The following ZNF217 variants were observed in gnomAD, a reference collection of about 807,000 sequenced individuals.
ZNF217 encodes zinc finger protein 217.
ZNF217 carries 12 observed loss-of-function variants against 73.3 expected under a neutral mutation model. That is an observed-to-expected ratio of 0.16 (90% CI 0.10 to 0.27). The LOEUF is 0.27. Among genes scored for constraint, ZNF217 ranks in the 10% least tolerant of loss-of-function variants. The probability of loss-of-function intolerance (pLI) is 1.00; values close to 1 mark genes in which losing one functional copy is unlikely to be tolerated. For missense variants in ZNF217, 1,195 were observed against 1,327.8 expected, an observed-to-expected ratio of 0.90 and a Z score of 1.55; for synonymous variants, 588 against 516.4, an observed-to-expected ratio of 1.14 and a Z score of -1.88.
At chr20:53,593,595 G>A (rs999316753) in intron 1 of ZNF217, among the ~76,000 whole-genome samples, 161 bp downstream of exon 1, 4 of 151,926 alleles carry the variant, frequency 2.6e-5, no homozygotes, top group Non-Finnish European at 4.4e-5. Flanking sequence ...CTGGGGAGGG[G>A]GCGCCCTAGA....
chr20:53,581,335 A>T lies in ZNF217; in HGVS notation c.1366+126T>A, dbSNP rs1968024275. On this transcript the variant is annotated intron_variant, in intron 2 of 5. Transcript: ENST00000371471. The surrounding 1 kb of genome is among the most constrained non-coding windows in gnomAD (Gnocchi z 4.9). Reference sequence around the variant, plus strand: ...CAGAGTGATACCAAAAAGAGCCTGGACTTGACTCTGGCTCTCCAAACCCCA... The same window carrying T: ...CAGAGTGATACCAAAAAGAGCCTGGTCTTGACTCTGGCTCTCCAAACCCCA... 1 of 1,334,892 alleles carries T rather than the reference A, an allele frequency of 7.5e-7. No individual in the cohort carries two copies. Among genetic ancestry groups the T allele is most frequent in the African/African-American group, 1.5e-5 (1 of 68,502 alleles). 82.7% of individuals were successfully genotyped at this position (1,334,892 alleles called of 1,614,324 possible). A position where few individuals can be genotyped will look rare whatever the true frequency, so the allele number is the denominator to read the frequency against.
At chr20:53,584,364 A>G (rs1302397499) in intron 1 of ZNF217, among the ~76,000 whole-genome samples, 2 of 152,226 alleles carry the variant, frequency 1.3e-5, no homozygotes, top group African/African-American at 4.8e-5. Context: ...AGGCTCAGAG[A>G]AGCCAAGGAA....
chr20:53,571,595 AG>A, intron 5 of ZNF217, 125 bp downstream of exon 5: 1 of 1,206,684 alleles, frequency 8.3e-7, no homozygotes, highest in Non-Finnish European at 1.1e-6. Flanking sequence ...TAGTACAGAC[AG>A]GGGTTTCACC....
intron 1 of ZNF217, among the ~76,000 whole-genome samples, chr20:53,588,941 T>C (rs1988792214): frequency 1.3e-5 from 2 of 152,200 alleles, no homozygotes; most frequent in Admixed American, 1.3e-4. Context: ...AGAAAAACTC[T>C]ATATTGATTA....
At chr20:53,572,528 A>C (rs186236262) in intron 4 of ZNF217, 3 of 152,308 alleles carry the variant, frequency 2.0e-5, no homozygotes, top group Admixed American at 2.0e-4. Context: ...TGGGGGGGGA[A>C]ATGAAGATTT....
chr20:53,591,370 T>C (rs896500464), intron 1 of ZNF217, among the ~76,000 whole-genome samples: 2 of 152,208 alleles, frequency 1.3e-5, no homozygotes, highest in African/African-American at 2.4e-5. Context: ...TGTAGGCAAA[T>C]AAAGACAATT....
chr20:53,581,168 T>G lies in ZNF217; in HGVS notation c.1366+293A>C, dbSNP rs1988465118. 6.6e-6 allele frequency among the ~76,000 whole-genome samples: 1 copy of G among 152,184 alleles called. No homozygotes were observed. Among genetic ancestry groups the G allele is most frequent in the East Asian group, 1.9e-4 (1 of 5,202 alleles). On this transcript the variant is annotated intron_variant, in intron 2 of 5. Transcript: ENST00000371471. This position sits in a 1 kb window ranked among gnomAD's most constrained non-coding sequence, Gnocchi z 4.9. ...TTTGGGCTGGATGCACAAGTTATTT[T>G]TTTTTTAAAGTGTGTTTTGTGAGCA...
upstream of ZNF217, among the ~76,000 whole-genome samples, chr20:53,597,165 C>A (rs1321669507): frequency 6.6e-6 from 1 of 151,650 alleles, no homozygotes; most frequent in African/African-American, 2.4e-5. Context: ...TGAGACTCAG[C>A]CTTAATTAGA....
At position 53,581,374 on chromosome 20, in the gene ZNF217, T is replaced by C. The variant is rs931786813; in HGVS notation, c.1366+87A>G. ...CTCCAAACCCCATTCCTGGCCAGCG[T>C]TGTCTGGAGATGGGAATAGAGAGGG... On this transcript the variant is annotated intron_variant, in intron 2 of 5. Transcript: ENST00000371471. This position sits in a 1 kb window ranked among gnomAD's most constrained non-coding sequence, Gnocchi z 4.9. The C allele has an allele frequency of 1.0e-4, 155 of 1,498,332 alleles. 2 individuals carry two copies. In the Middle Eastern group the frequency reaches 1.8e-3, roughly 18 times the overall value. 92.8% of individuals were successfully genotyped at this position (1,498,332 alleles called of 1,614,324 possible).
In ZNF217 at chr20:53,576,741, T is replaced by C; in HGVS notation, c.2023A>G (p.Arg675Gly). The C allele has an allele frequency of 2.5e-6, 4 of 1,614,250 alleles. No individual in the cohort carries two copies. Among genetic ancestry groups the C allele is most frequent in the Non-Finnish European group, 3.4e-6 (4 of 1,180,044 alleles). ...EKQTETAADC[R>G]YRPSVDCHEK... ...TGACAATCCACACTTGGCCTGTATC[T>C]GCAGTCAGCTGCGGTCTCCGTTTGC... The change falls in exon 4 of 6, where the codon AGA becomes GGA. Residue 675 changes from arginine (R) to glycine (G), a missense_variant. Transcript: ENST00000371471.
At chr20:53,592,507 C>A (rs1988913625) in intron 1 of ZNF217, among the ~76,000 whole-genome samples, 1 of 151,592 alleles carries the variant, frequency 6.6e-6, no homozygotes, top group Admixed American at 6.6e-5. Context: ...TCCCTGCCTG[C>A]TCACCCCACC....
At chr20:53,596,455 A>G (rs1310203405), upstream of ZNF217, among the ~76,000 whole-genome samples, 1 of 152,194 alleles carries the variant, frequency 6.6e-6, no homozygotes, top group Non-Finnish European at 1.5e-5. Flanking sequence ...TTGCAAATAC[A>G]TACTGTGTTT....
chr20:53,567,187 TTAAAA>T lies in ZNF217; in HGVS notation c.*2096_*2100del, dbSNP rs569089156. ...TGTTCGACAACTTAAGTATCAACAA[TTAAAA>T]TAAATCAAACTGGAATGAAATAAAT... On this transcript the variant is annotated 3_prime_UTR_variant, in exon 6 of 6. Coordinates refer to ENST00000371471, the MANE Select transcript of ZNF217 (RefSeq NM_006526.3). The T allele has an allele frequency of 8.1e-4, 124 of 152,514 alleles. 1 individual carries two copies. Among genetic ancestry groups the T allele is most frequent in the African/African-American group, 2.9e-3 (119 of 41,478 alleles). The allele number at this position is 152,514 out of a possible 1,614,324, so 9.4% of individuals were successfully genotyped here.
At chr20:53,590,464 G>C (rs1460694591) in intron 1 of ZNF217, among the ~76,000 whole-genome samples, 2 of 151,942 alleles carry the variant, frequency 1.3e-5, no homozygotes, top group African/African-American at 4.8e-5. Flanking sequence ...ACATAAAAAG[G>C]GTCCAATCAT....
chr20:53,588,053 A>C (rs1988756827), intron 1 of ZNF217, among the ~76,000 whole-genome samples: 1 of 152,184 alleles, frequency 6.6e-6, no homozygotes, highest in Non-Finnish European at 1.5e-5. Context: ...TTAAGGTTAC[A>C]ACCTAAACTC....
rs1988561727 is a variant in ZNF217, at chr20:53,582,838, G to A, written c.-12C>T. On this transcript the variant is annotated 5_prime_UTR_variant, in exon 2 of 6. Coordinates refer to ENST00000371471, the MANE Select transcript of ZNF217 (RefSeq NM_006526.3). This position sits in a 1 kb window ranked among gnomAD's most constrained non-coding sequence, Gnocchi z 4.8. The stretch of plus-strand genomic sequence containing the variant: ...ACTTTCGATTGCATATAATCTCAAA[G>A]TTCCGTTGGGCAATTTCTGGAGTTG... The A allele has an allele frequency of 1.3e-6, 2 of 1,575,608 alleles. No homozygotes were observed. Among genetic ancestry groups the A allele is most frequent in the African/African-American group, 1.4e-5 (1 of 73,826 alleles).
chr20:53,584,564 T>C (rs1263431652), intron 1 of ZNF217, among the ~76,000 whole-genome samples: 2 of 152,256 alleles, frequency 1.3e-5, no homozygotes, highest in African/African-American at 4.8e-5. Context: ...CATGGGCTGG[T>C]GACCAGCTTG....
Position 53,577,092 on chromosome 20 carries a change from T to C in ZNF217, c.1672A>G (p.Lys558Glu), listed in dbSNP as rs766530676. The change falls in exon 4 of 6, where the codon AAA (lysine) becomes GAA (glutamate). Residue 558 changes from lysine (K) to glutamate (E), a missense_variant. Around this residue, in one of 9 missense-constraint regions of ZNF217, gnomAD observed 649 missense variants for 642.8 expected, o/e 1.01. Transcript: ENST00000371471. Reference sequence around the variant, plus strand: ...TCTTTGGCACCATCAAAAAATCTTTTCAAATTTTTGGTTTGCGCACTGTCA... The same window carrying C: ...TCTTTGGCACCATCAAAAAATCTTTCCAAATTTTTGGTTTGCGCACTGTCA... ...TADSAQTKNLKRFFDGAKDVT... is the reference protein window; with the variant it reads ...TADSAQTKNLERFFDGAKDVT... 4 of 1,614,098 alleles carry C rather than the reference T, an allele frequency of 2.5e-6. No homozygotes were observed. The highest frequency in any genetic ancestry group is 3.4e-6 in the Non-Finnish European group (4 of 1,180,048).
At chr20:53,596,106 G>C (rs570690646), upstream of ZNF217, among the ~76,000 whole-genome samples, 87 of 152,152 alleles carry the variant, frequency 5.7e-4, no homozygotes, top group African/African-American at 2.0e-3. Context: ...GAGATTCCTG[G>C]CTCTCAGACC....
Sources: gnomAD v4.1 joint callset for allele counts (sites outside exome capture counted in the v4.1 genomes callset) on GRCh38, gnomAD v4.1.1 for gene constraint, gnomAD v4.1.1 regional missense constraint, Gnocchi (gnomAD v3.1) non-coding constraint, MANE v1.5 for transcripts, NCBI Gene and HGNC (gene_info 2026-07-23, HGNC 2026-07-21) for gene names.